The following RERE variants were observed in gnomAD, a reference collection of about 807,000 sequenced individuals.
RERE encodes the protein arginine-glutamic acid dipeptide repeats.
RERE carries 40 observed loss-of-function variants against 146.1 expected under a neutral mutation model. The observed-to-expected ratio is 0.27, with a 90% confidence interval of 0.21 to 0.36. The LOEUF (loss-of-function observed/expected upper bound fraction) is 0.36. Ranked by LOEUF, RERE falls within the 10% of genes least tolerant of loss-of-function variation. The probability of loss-of-function intolerance (pLI) is 1.00; values close to 1 mark genes in which losing one functional copy is unlikely to be tolerated. For synonymous variants in RERE, 1,003 were observed against 866.0 expected, an observed-to-expected ratio of 1.16 and a Z score of -2.78; for missense variants, 1,933 against 2,138.7, an observed-to-expected ratio of 0.90 and a Z score of 1.90.
chr1:8,365,316 T>G (rs1641760977), intron 13 of RERE, among the ~76,000 whole-genome samples: 1 of 152,096 alleles, frequency 6.6e-6, no homozygotes, highest in Non-Finnish European at 1.5e-5. Context: ...TACACCCCAG[T>G]TTTTTAGGGG....
intron 2 of RERE, among the ~76,000 whole-genome samples, chr1:8,644,716 AAACT>A (rs1323689260): frequency 2.6e-5 from 4 of 152,130 alleles, no homozygotes; most frequent in Non-Finnish European, 5.9e-5. Flanking sequence ...GGCTAGCCTC[AAACT>A]TCTGGGCTCA....
At chr1:8,573,813 T>G (rs1646254711) in intron 4 of RERE, among the ~76,000 whole-genome samples, 1 of 152,172 alleles carries the variant, frequency 6.6e-6, no homozygotes, top group African/African-American at 2.4e-5. Context: ...TGTGATGTGT[T>G]GCCTTTTATT....
intron 1 of RERE, among the ~76,000 whole-genome samples, chr1:8,748,536 C>T (rs896789195): frequency 4.6e-5 from 7 of 152,166 alleles, no homozygotes; most frequent in Admixed American, 4.6e-4. Flanking sequence ...TGCTCCAACG[C>T]AAGTATATGG....
intron 1 of RERE, among the ~76,000 whole-genome samples, chr1:8,787,381 T>C (rs1641277382): frequency 6.6e-6 from 1 of 152,236 alleles, no homozygotes; most frequent in South Asian, 2.1e-4. Flanking sequence ...CTGAGTATCA[T>C]GGTTGCCTCA....
chr1:8,418,612 A>G (rs947918341), intron 12 of RERE, among the ~76,000 whole-genome samples: 3 of 152,266 alleles, frequency 2.0e-5, no homozygotes, highest in African/African-American at 7.2e-5. Context: ...GCCAGACACA[A>G]AAAGTCTTTG....
intron 1 of RERE, among the ~76,000 whole-genome samples, chr1:8,762,884 C>A (rs935972512): frequency 1.3e-5 from 2 of 152,110 alleles, no homozygotes; most frequent in African/African-American, 2.4e-5. Flanking sequence ...TCCAGAATGA[C>A]CTGGGACCAT....
intron 1 of RERE, among the ~76,000 whole-genome samples, chr1:8,671,167 G>A (rs78308762): frequency 0.025 from 3,879 of 152,180 alleles, 145 homozygotes; most frequent in African/African-American, 0.088. Flanking sequence ...ATAACCATGG[G>A]GCTGGATGGT....
intron 1 of RERE, among the ~76,000 whole-genome samples, chr1:8,765,929 C>T (rs1236423756): frequency 6.6e-6 from 1 of 150,588 alleles, no homozygotes; most frequent in Non-Finnish European, 1.5e-5. Context: ...TCCAGCCTGG[C>T]GACAGAGCGA....
intron 4 of RERE, among the ~76,000 whole-genome samples, chr1:8,609,095 G>C (rs774071892): frequency 1.8e-4 from 28 of 152,080 alleles, no homozygotes; most frequent in African/African-American, 6.0e-4. Flanking sequence ...GCACACGCCT[G>C]TAATCTCAGC....
chr1:8,501,036 G>T lies in RERE; in HGVS notation c.880-3507C>A, dbSNP rs1205863303. Among the ~76,000 whole-genome samples, 6 of 129,626 alleles carry T rather than the reference G, an allele frequency of 4.6e-5. 1 individual carries two copies. The highest frequency in any genetic ancestry group is 4.3e-4 in the Admixed American group (6 of 13,818). 85.0% of individuals were successfully genotyped at this position (129,626 alleles called of 152,430 possible). On this transcript the variant is annotated intron_variant, in intron 8 of 22. Transcript: ENST00000400908. ...CGGCAGCCACCCCGTCCGGGAGGGGGGGGGGGGGTCAGCCCCCCGCCCGGC... is the reference window on the plus strand; with the variant it reads ...CGGCAGCCACCCCGTCCGGGAGGGGTGGGGGGGGTCAGCCCCCCGCCCGGC...
chr1:8,772,604 A>G (rs895180305), intron 1 of RERE, among the ~76,000 whole-genome samples: 1 of 152,058 alleles, frequency 6.6e-6, no homozygotes, highest in Non-Finnish European at 1.5e-5. Flanking sequence ...GTGAAACCCC[A>G]TCTCAACTAA....
rs1478662269 is a variant in RERE, at chr1:8,361,162, G to A, written c.2345C>T (p.Ser782Phe). ...AVPPQGSPTA[S>F]QAPNQPQAPT... The stretch of plus-strand genomic sequence containing the variant: ...AGCCTGTGGCTGGTTAGGGGCCTGG[G>A]AGGCCGTGGGGGAGCCCTGTGGGGG... Residue 782 changes from serine to phenylalanine, a missense_variant, in exon 18 of 23, where the codon TCC becomes TTC. By Grantham distance (155) the Ser-to-Phe change is radical. Around this residue, in one of 11 missense-constraint regions of RERE, gnomAD observed 1,255 missense variants for 1,153.8 expected, o/e 1.09. Coordinates refer to ENST00000400908, the MANE Select transcript of RERE (RefSeq NM_001042681.2). 3 of 1,451,546 alleles carry A rather than the reference G, an allele frequency of 2.1e-6. No homozygotes were observed. Among genetic ancestry groups the A allele is most frequent in the Non-Finnish European group, 2.7e-6 (3 of 1,107,652 alleles). The allele number at this position is 1,451,546 out of a possible 1,614,324, so 89.9% of individuals were successfully genotyped here.
chr1:8,731,209 A>G (rs1462977439), intron 1 of RERE, among the ~76,000 whole-genome samples: 1 of 152,226 alleles, frequency 6.6e-6, no homozygotes, highest in East Asian at 1.9e-4. Flanking sequence ...CTGGAGGTCC[A>G]GACTTAAGAG....
At chr1:8,500,944 G>C (rs1249565682) in intron 8 of RERE, among the ~76,000 whole-genome samples, 3 of 145,084 alleles carry the variant, frequency 2.1e-5, no homozygotes, top group African/African-American at 2.6e-5. Flanking sequence ...CAACCGCCCC[G>C]TCTGAGAAGT....
At chr1:8,585,545 G>A (rs1370487215) in intron 4 of RERE, among the ~76,000 whole-genome samples, 5 of 152,186 alleles carry the variant, frequency 3.3e-5, no homozygotes, top group African/African-American at 7.2e-5. Flanking sequence ...TGTACAAGAT[G>A]AGGATGGAAC....
At chr1:8,355,704 G>T in intron 21 of RERE, 105 bp from the exon 22 acceptor site, 2 of 1,008,476 alleles carry the variant, frequency 2.0e-6, no homozygotes, top group Non-Finnish European at 2.8e-6. Flanking sequence ...AGAGGTGCCA[G>T]TTCGGACACA....
At chr1:8,392,766 A>G (rs928715870) in intron 12 of RERE, among the ~76,000 whole-genome samples, 1 of 152,172 alleles carries the variant, frequency 6.6e-6, no homozygotes, top group South Asian at 2.1e-4. Flanking sequence ...ATTTCTATCA[A>G]GTGGGCCATC....
At chr1:8,778,466 T>C (rs530001604) in intron 1 of RERE, among the ~76,000 whole-genome samples, 31 of 152,320 alleles carry the variant, frequency 2.0e-4, no homozygotes, top group Non-Finnish European at 3.8e-4. Context: ...GCAAACACTA[T>C]ACATTTTAAG....
chr1:8,395,698 T>G (rs2124432373), intron 12 of RERE, among the ~76,000 whole-genome samples: 1 of 152,266 alleles, frequency 6.6e-6, no homozygotes, highest in South Asian at 2.1e-4. Context: ...GTTAATTTCC[T>G]AAATTCTTTT....
Sources: gnomAD v4.1 joint callset for allele counts (sites outside exome capture counted in the v4.1 genomes callset) on GRCh38, gnomAD v4.1.1 for gene constraint, gnomAD v4.1.1 regional missense constraint, MANE v1.5 for transcripts, NCBI Gene and HGNC (gene_info 2026-07-23, HGNC 2026-07-21) for gene names.